Variants in FIGN observed in about 807,000 individuals in gnomAD.
FIGN encodes the protein fidgetin, microtubule severing factor, also known as fidgetin.
A neutral mutation model predicts 51.3 loss-of-function variants in FIGN; 11 were observed. The observed-to-expected ratio is 0.21, with a 90% CI of 0.13 to 0.35. FIGN has a LOEUF of 0.35. Ranked by LOEUF, FIGN falls within the 10% of genes least tolerant of loss-of-function variation. The pLI is 1.00. For missense variants in FIGN, 857 were observed against 943.6 expected (o/e 0.91, Z 1.20); for synonymous variants, 407 against 363.2 (o/e 1.12, Z -1.37).
intron 2 of FIGN, among the ~76,000 whole-genome samples, chr2:163,726,144 C>G (rs1309214621): frequency 6.6e-6 from 1 of 152,030 alleles, no homozygotes; most frequent in African/African-American, 2.4e-5. Context: ...AATTCCAAAG[C>G]TGGTAATATT....
At chr2:163,694,587 C>T (rs879506917) in intron 2 of FIGN, among the ~76,000 whole-genome samples, 5 of 152,148 alleles carry the variant, frequency 3.3e-5, no homozygotes, top group Non-Finnish European at 7.4e-5. Flanking sequence ...AAGTGTCAAT[C>T]CAGTCTCTTA....
chr2:163,726,145 T>C (rs545278499), intron 2 of FIGN, among the ~76,000 whole-genome samples: 84 of 152,194 alleles, frequency 5.5e-4, no homozygotes, highest in Non-Finnish European at 1.0e-3. Flanking sequence ...ATTCCAAAGC[T>C]GGTAATATTT....
In FIGN at chr2:163,610,065, C is replaced by A. The variant is rs760175528; in HGVS notation, c.1767G>T (p.Met589Ile). The A allele has an allele frequency of 6.2e-7, 1 of 1,613,958 alleles. No homozygotes were observed. Among genetic ancestry groups the A allele is most frequent in the Non-Finnish European group, 8.5e-7 (1 of 1,179,904 alleles). The change falls in exon 3 of 3, where the codon ATG (methionine) becomes ATT (isoleucine). Residue 589 changes from methionine (M) to isoleucine (I), a missense_variant. By Grantham distance (10) the Met-to-Ile change is conservative. This residue lies in a region of FIGN where 799 missense variants were observed against 849.5 expected (regional missense o/e 0.94). Transcript: ENST00000333129. ...PSVIFVSDID[M>I]LLSSQVNEEH... is the part of the protein sequence containing the mutation. ...CCTCATTCACTTGAGAGGAGAGAAG[C>A]ATGTCAATGTCACTAACAAAAATCA...
In FIGN at chr2:163,604,936, C is replaced by CTTTTTTTTTTTTTTTTTTTTTT. The variant is rs71410075; in HGVS notation, c.*4615_*4616insAAAAAAAAAAAAAAAAAAAAAA. On this transcript the variant is annotated 3_prime_UTR_variant, in exon 3 of 3. Transcript: ENST00000333129. Reference sequence around the variant, plus strand: ...TTTTAAGCCCAGAAATAAACTTTTGCTTTTTTTTTTTTTTTTTTTGTATCA... The same window carrying CTTTTTTTTTTTTTTTTTTTTTT: ...TTTTAAGCCCAGAAATAAACTTTTGCTTTTTTTTTTTTTTTTTTTTTTTTTTTTTTTTTTTTTTTTTGTATCA... 3.2e-5 allele frequency: 3 copies of CTTTTTTTTTTTTTTTTTTTTTT among 94,258 alleles called. No homozygotes were observed. The highest frequency in any genetic ancestry group is 5.6e-5 in the Non-Finnish European group (3 of 53,126). 5.8% of individuals were successfully genotyped at this position (94,258 alleles called of 1,614,324 possible).
chr2:163,612,012 A>G lies in FIGN; in HGVS notation c.26-206T>C, dbSNP rs541255073. 1.5e-4 allele frequency among the ~76,000 whole-genome samples: 23 copies of G among 152,336 alleles called. No homozygotes were observed. The South Asian group carries it at 4.3e-3, about 29-fold the overall frequency. ...TAAACTTCAGCCCTGTTTAAAAAGC[A>G]CACTGAGTTTAAAATATAACTCTGT... On this transcript the variant is annotated intron_variant, in intron 2 of 2. Transcript: ENST00000333129.
chr2:163,708,027 G>T (rs1020784451), intron 2 of FIGN, among the ~76,000 whole-genome samples: 1 of 152,178 alleles, frequency 6.6e-6, no homozygotes, highest in South Asian at 2.1e-4. Context: ...CATTTTAAAA[G>T]AAGTTTCTGT....
chr2:163,734,085 T>G (rs977645953), intron 2 of FIGN, among the ~76,000 whole-genome samples: 1 of 151,966 alleles, frequency 6.6e-6, no homozygotes, highest in Non-Finnish European at 1.5e-5. Context: ...CAAGAGCTAT[T>G]GAAAATCCCC....
chr2:163,609,724 C>T lies in FIGN; in HGVS notation c.2108G>A (p.Gly703Asp), dbSNP rs1691189740. 4 of 1,614,006 alleles carry T rather than the reference C, an allele frequency of 2.5e-6. No homozygotes were observed. Among genetic ancestry groups the T allele is most frequent in the Non-Finnish European group, 3.4e-6 (4 of 1,180,008 alleles). Residue 703 changes from glycine (G) to aspartate (D), a missense_variant, in exon 3 of 3, where the codon GGC becomes GAC. Physicochemically the swap from Gly to Asp is moderately conservative, Grantham distance 94. Coordinates refer to ENST00000333129, the MANE Select transcript of FIGN (RefSeq NM_018086.4). ...TGTGGCTGGCATGGCATGGAGGGGGCCCACCACTGCTTCCTGACACAAATG... is the reference window on the plus strand; with the variant it reads ...TGTGGCTGGCATGGCATGGAGGGGGTCCACCACTGCTTCCTGACACAAATG... ...VAHLCQEAVV[G>D]PLHAMPATDL...
chr2:163,627,407 A>G (rs1447250067), intron 2 of FIGN, among the ~76,000 whole-genome samples: 4 of 152,278 alleles, frequency 2.6e-5, no homozygotes, highest in Non-Finnish European at 4.4e-5. Flanking sequence ...ATTCTAGTGC[A>G]GAGAACAAAC....
Position 163,614,822 on chromosome 2 carries a change from T to A in FIGN, c.26-3016A>T, listed in dbSNP as rs182548161. 1.8e-3 allele frequency among the ~76,000 whole-genome samples: 279 copies of A among 152,070 alleles called. 1 individual carries two copies. The highest frequency in any genetic ancestry group is 6.2e-3 in the African/African-American group (259 of 41,558). On this transcript the variant is annotated intron_variant, in intron 2 of 2. Transcript: ENST00000333129. ...AACTCAAATGAAACTGCTTATTTTT[T>A]TAAAAAAACACAGGAGGTGGGAACC...
intron 2 of FIGN, among the ~76,000 whole-genome samples, chr2:163,637,505 CACTT>C (rs1332335884): frequency 3.9e-5 from 6 of 152,080 alleles, no homozygotes; most frequent in Non-Finnish European, 8.8e-5. Flanking sequence ...TAGTGCCTCT[CACTT>C]AGAAGAGATA....
At position 163,604,936 on chromosome 2, in the gene FIGN, C is replaced by CTTTTTCTTTTTTT. The variant is rs1691055828; in HGVS notation, c.*4615_*4616insAAAAAAAGAAAAA. 1.1e-5 allele frequency: 1 copy of CTTTTTCTTTTTTT among 94,258 alleles called. No homozygotes were observed. The highest frequency in any genetic ancestry group is 1.9e-5 in the Non-Finnish European group (1 of 53,126). The allele number at this position is 94,258 out of a possible 1,614,324, so 5.8% of individuals were successfully genotyped here. ...TTTTAAGCCCAGAAATAAACTTTTG[C>CTTTTTCTTTTTTT]TTTTTTTTTTTTTTTTTTTGTATCA... On this transcript the variant is annotated 3_prime_UTR_variant, in exon 3 of 3. Transcript: ENST00000333129.
At chr2:163,614,452 TA>T (rs1298293109) in intron 2 of FIGN, among the ~76,000 whole-genome samples, 1 of 152,184 alleles carries the variant, frequency 6.6e-6, no homozygotes, top group Non-Finnish European at 1.5e-5. Flanking sequence ...TAGAACTGTC[TA>T]AGAGACCTAC....
chr2:163,723,069 T>C (rs1416612399), intron 2 of FIGN, among the ~76,000 whole-genome samples: 2 of 151,860 alleles, frequency 1.3e-5, no homozygotes, highest in African/African-American at 4.8e-5. Flanking sequence ...CAGACGCCTG[T>C]AGTCCCAGCT....
At position 163,613,113 on chromosome 2, in the gene FIGN, G is replaced by A. The variant is rs747373327; in HGVS notation, c.26-1307C>T. Among the ~76,000 whole-genome samples, 6 of 152,158 alleles carry A rather than the reference G, an allele frequency of 3.9e-5. No homozygotes were observed. In the South Asian group the frequency reaches 6.2e-4, roughly 16 times the overall value. On this transcript the variant is annotated intron_variant, in intron 2 of 2. Coordinates refer to ENST00000333129, the MANE Select transcript of FIGN (RefSeq NM_018086.4). ...AGATTAGGAAACCAGGGCCCAAAGC[G>A]ATTTATAATGTACCCTCGAGGTCTC...
intron 2 of FIGN, among the ~76,000 whole-genome samples, chr2:163,714,105 G>A (rs1024810571): frequency 3.3e-5 from 5 of 152,090 alleles, no homozygotes; most frequent in Admixed American, 1.3e-4. Flanking sequence ...CTGATTACAC[G>A]GCTCCTTGTT....
intron 2 of FIGN, among the ~76,000 whole-genome samples, chr2:163,633,827 C>T (rs1031222367): frequency 3.3e-5 from 5 of 152,164 alleles, no homozygotes; most frequent in African/African-American, 1.2e-4. Flanking sequence ...TTCAATGAAT[C>T]TATCTATTCA....
chr2:163,698,377 C>T lies in FIGN; in HGVS notation c.25+36526G>A, dbSNP rs968274919. 2.6e-5 allele frequency among the ~76,000 whole-genome samples: 4 copies of T among 152,022 alleles called. No individual in the cohort carries two copies. In the East Asian group the frequency reaches 7.8e-4, roughly 30 times the overall value. On this transcript the variant is annotated intron_variant, in intron 2 of 2. Transcript: ENST00000333129. ...CCTGTGGTCATTACCTGCCCCTTTG[C>T]TCCCTCCTCCTCCTTCCCCCTCCCT... is the stretch of plus-strand genomic sequence containing the variant.
intron 2 of FIGN, chr2:163,617,401 G>A (rs561868327): frequency 1.0e-5 from 2 of 197,188 alleles, no homozygotes; most frequent in East Asian, 3.7e-4. Flanking sequence ...TTTCTATAAG[G>A]TGATGAAACC....
Sources: allele counts gnomAD v4.1 joint callset (sites outside exome capture counted in the v4.1 genomes callset), GRCh38; gene constraint gnomAD v4.1.1; regional missense constraint gnomAD v4.1.1; transcripts MANE v1.5; gene names NCBI Gene and HGNC (gene_info 2026-07-23, HGNC 2026-07-21).